The following GPC6 variants were observed in gnomAD, a reference collection of about 807,000 sequenced individuals.
GPC6 encodes glypican-6.
A neutral mutation model predicts 55.2 loss-of-function variants in GPC6; 14 were observed. The observed-to-expected ratio is 0.25, with a 90% CI of 0.17 to 0.40. The LOEUF (loss-of-function observed/expected upper bound fraction) is 0.40, where lower values mean the gene tolerates loss of function less well. GPC6 is among the 10% of genes least tolerant of loss of function. The pLI, the probability that GPC6 is intolerant of heterozygous loss-of-function variation, is 1.00. For missense variants in GPC6, 641 were observed against 708.5 expected (o/e 0.90, Z 1.08); for synonymous variants, 278 against 259.6 (o/e 1.07, Z -0.68).
At chr13:93,716,767 C>T (rs972261046) in intron 2 of GPC6, among the ~76,000 whole-genome samples, 2 of 151,524 alleles carry the variant, frequency 1.3e-5, no homozygotes, top group Non-Finnish European at 3.0e-5. Flanking sequence ...CAGTAATGTC[C>T]TAGGCCTTCA....
At chr13:93,307,502 A>G (rs913662635) in intron 1 of GPC6, among the ~76,000 whole-genome samples, 3 of 152,162 alleles carry the variant, frequency 2.0e-5, no homozygotes, top group African/African-American at 7.2e-5. Flanking sequence ...TTTATAAAAT[A>G]GTTATTATAA....
At chr13:93,384,150 CTAAAG>C (rs925157116) in intron 1 of GPC6, among the ~76,000 whole-genome samples, 8 of 151,980 alleles carry the variant, frequency 5.3e-5, no homozygotes, top group African/African-American at 1.9e-4. Flanking sequence ...CTTTAGAATG[CTAAAG>C]CACACTTTCT....
intron 1 of GPC6, among the ~76,000 whole-genome samples, chr13:93,335,022 T>C (rs532695766): frequency 6.6e-6 from 1 of 152,296 alleles, no homozygotes; most frequent in African/African-American, 2.4e-5. Flanking sequence ...CCCACAGATT[T>C]CTCCCTTTCC....
chr13:94,027,452 C>T (rs1238896882), intron 3 of GPC6, among the ~76,000 whole-genome samples: 1 of 152,100 alleles, frequency 6.6e-6, no homozygotes, highest in Non-Finnish European at 1.5e-5. Context: ...ACTGCTTTCA[C>T]ATGCATTATC....
intron 1 of GPC6, among the ~76,000 whole-genome samples, chr13:93,238,223 T>C (rs1197632570): frequency 6.6e-6 from 1 of 152,192 alleles, no homozygotes; most frequent in East Asian, 1.9e-4. Context: ...CATTTGTTTG[T>C]GTGATCTACA....
At chr13:94,193,140 T>C (rs1352792026) in intron 4 of GPC6, among the ~76,000 whole-genome samples, 2 of 152,024 alleles carry the variant, frequency 1.3e-5, no homozygotes, top group Non-Finnish European at 2.9e-5. Context: ...AAAACTATTA[T>C]GAATTCAGTC....
chr13:93,624,840 A>G (rs1003421604), intron 2 of GPC6, among the ~76,000 whole-genome samples: 3 of 152,252 alleles, frequency 2.0e-5, no homozygotes, highest in Non-Finnish European at 4.4e-5. Context: ...AGATAAACCT[A>G]TTCATAAGAA....
At chr13:93,737,408 G>A (rs909981367) in intron 2 of GPC6, among the ~76,000 whole-genome samples, 1 of 152,024 alleles carries the variant, frequency 6.6e-6, no homozygotes, top group Non-Finnish European at 1.5e-5. Context: ...GATAGCCCCC[G>A]TTCTCAAAGG....
chr13:93,855,949 G>A (rs969319632), intron 3 of GPC6, among the ~76,000 whole-genome samples: 3 of 151,516 alleles, frequency 2.0e-5, no homozygotes, highest in Non-Finnish European at 4.4e-5. Context: ...TATCAGATAT[G>A]CCTACTGCAA....
chr13:93,726,103 TACACACACACACACACACACAC>T (rs71811304), intron 2 of GPC6, among the ~76,000 whole-genome samples: 14 of 126,854 alleles, frequency 1.1e-4, no homozygotes, highest in Middle Eastern at 4.2e-3. Flanking sequence ...TTTTCCTTCA[TACACACACACACACACACACAC>T]ACACACACAC....
In GPC6 at chr13:93,959,160, AT is replaced by A. The variant is rs531505656; in HGVS notation, c.712-68554del. Among the ~76,000 whole-genome samples the A allele has an allele frequency of 9.8e-3, 1,342 of 136,606 alleles. 13 individuals carry two copies. Among genetic ancestry groups the A allele is most frequent in the African/African-American group, 0.026 (970 of 37,916 alleles). The allele number at this position is 136,606 out of a possible 152,430, so 89.6% of individuals were successfully genotyped here. A position where few individuals can be genotyped will look rare whatever the true frequency, so the allele number is the denominator to read the frequency against. On this transcript the variant is annotated intron_variant, in intron 3 of 8. Transcript: ENST00000377047. ...ACTACTTTTTTTTCCTAGTTGTATG[AT>A]TTTTTTTTTTTTTTCCCTTGAGGCT...
chr13:93,811,553 A>T (rs1206365638), intron 2 of GPC6, among the ~76,000 whole-genome samples: 1 of 151,972 alleles, frequency 6.6e-6, no homozygotes, highest in Non-Finnish European at 1.5e-5. Flanking sequence ...GGCTTGGCTT[A>T]CGTAGACATT....
chr13:93,479,617 C>A (rs1315207759), intron 1 of GPC6, among the ~76,000 whole-genome samples: 2 of 145,604 alleles, frequency 1.4e-5, no homozygotes, highest in African/African-American at 2.5e-5. Context: ...GACCCCCCCC[C>A]ATCTCTACTA....
chr13:93,607,632 G>C (rs1878293425), intron 2 of GPC6, among the ~76,000 whole-genome samples: 1 of 152,180 alleles, frequency 6.6e-6, no homozygotes, highest in Non-Finnish European at 1.5e-5. Flanking sequence ...AGGTAAAAAG[G>C]TTTAATGCCT....
intron 1 of GPC6, among the ~76,000 whole-genome samples, chr13:93,263,477 C>G (rs7320969): frequency 0.59 from 89,485 of 152,018 alleles, 27,483 homozygotes; most frequent in African/African-American, 0.76. Context: ...TGATTCTCCT[C>G]CTTCAGCCTC....
At chr13:94,114,259 A>G (rs2138844059) in intron 4 of GPC6, among the ~76,000 whole-genome samples, 1 of 152,164 alleles carries the variant, frequency 6.6e-6, no homozygotes, top group African/African-American at 2.4e-5. Context: ...CTCTCTCAAA[A>G]ATGGAATGTT....
chr13:93,892,559 C>T (rs1007492594), intron 3 of GPC6, among the ~76,000 whole-genome samples: 1 of 152,096 alleles, frequency 6.6e-6, no homozygotes, highest in African/African-American at 2.4e-5. Context: ...TATTAATTAG[C>T]AGTAAAACAC....
intron 4 of GPC6, among the ~76,000 whole-genome samples, chr13:94,044,476 A>G (rs1305593840): frequency 6.6e-6 from 1 of 151,876 alleles, no homozygotes; most frequent in Non-Finnish European, 1.5e-5. Context: ...ATCAGTTCAT[A>G]AAGATCTTCC....
At chr13:94,012,016 T>C (rs1193249082) in intron 3 of GPC6, among the ~76,000 whole-genome samples, 1 of 152,190 alleles carries the variant, frequency 6.6e-6, no homozygotes, top group Non-Finnish European at 1.5e-5. Flanking sequence ...AGTGCTGTCT[T>C]TTTTTCTCCT....
Sources: gnomAD v4.1 joint callset for allele counts (sites outside exome capture counted in the v4.1 genomes callset) on GRCh38, gnomAD v4.1.1 for gene constraint, MANE v1.5 for transcripts, NCBI Gene and HGNC (gene_info 2026-07-23, HGNC 2026-07-21) for gene names.